DSE: variants seen among roughly 807,000 people sequenced by gnomAD.
DSE encodes dermatan-sulfate epimerase.
In DSE, 36 loss-of-function variants were observed where a neutral mutation model predicts 84.4. The ratio of observed to expected loss-of-function variants is 0.43; its 90% CI spans 0.33 to 0.56. The LOEUF is 0.56. Among genes scored for constraint, DSE ranks in the 20% least tolerant of loss-of-function variants. The probability of loss-of-function intolerance (pLI) is 0.06; values close to 1 mark genes in which losing one functional copy is unlikely to be tolerated. For missense variants in DSE, 862 were observed against 1,169.6 expected (o/e 0.74, Z 3.84); for synonymous variants, 410 against 430.1 (o/e 0.95, Z 0.58).
chr6:116,340,438 C>G (rs1777519868), intron 2 of DSE, among the ~76,000 whole-genome samples: 1 of 152,066 alleles, frequency 6.6e-6, no homozygotes, highest in Non-Finnish European at 1.5e-5. Flanking sequence ...GTTCCTTTTT[C>G]TAATTTCTAT....
At position 116,370,951 on chromosome 6, in the gene DSE, G is replaced by C. The variant is rs1160888694; in HGVS notation, c.-224G>C. 3.0e-6 allele frequency: 3 copies of C among 985,250 alleles called. No homozygotes were observed. The highest frequency in any genetic ancestry group is 3.6e-6 in the Non-Finnish European group (3 of 830,006). The allele number at this position is 985,250 out of a possible 1,614,324, so 61.0% of individuals were successfully genotyped here. ...GCCCCCGCCGGCCCGGCTCTCAGTAGCGTCGCCCGAGGCTGCAGCAGCGCA... is the reference window on the plus strand; with the variant it reads ...GCCCCCGCCGGCCCGGCTCTCAGTACCGTCGCCCGAGGCTGCAGCAGCGCA... On this transcript the variant is annotated 5_prime_UTR_variant, in exon 1 of 6. Coordinates refer to ENST00000644252, the MANE Select transcript of DSE (RefSeq NM_013352.4).
chr6:116,371,202 G>A, intron 1 of DSE, 81 bp downstream of exon 1: 3 of 985,376 alleles, frequency 3.0e-6, no homozygotes, highest in Non-Finnish European at 3.6e-6. Flanking sequence ...TAGCCTTCGG[G>A]GCTGTCCCGG....
intron 2 of DSE, among the ~76,000 whole-genome samples, chr6:116,307,417 A>C (rs896855892): frequency 2.0e-5 from 3 of 152,210 alleles, no homozygotes; most frequent in African/African-American, 7.2e-5. Flanking sequence ...CAGTGACCTG[A>C]AGAGTGTATC....
chr6:116,414,054 G>A (rs1269063257), intron 2 of DSE, among the ~76,000 whole-genome samples: 1 of 152,214 alleles, frequency 6.6e-6, no homozygotes, highest in East Asian at 1.9e-4. Flanking sequence ...TGTACGAGGT[G>A]GCAGCAATGG....
At position 116,433,367 on chromosome 6, in the gene DSE, C is replaced by T. The variant is rs1255326703; in HGVS notation, c.935C>T (p.Ala312Val). Residue 312 changes from alanine to valine, a missense_variant, in exon 5 of 6, where the codon GCG becomes GTG. Transcript: ENST00000644252. ...GGGTTTCAAAGGACTGTGGCTATTGCGGACTCAAATTACAACTGGTTTTAT... is the reference window on the plus strand; with the variant it reads ...GGGTTTCAAAGGACTGTGGCTATTGTGGACTCAAATTACAACTGGTTTTAT... ...LPGFQRTVAI[A>V]DSNYNWFYGP... is the part of the protein sequence containing the mutation. The T allele has an allele frequency of 7.7e-6, 12 of 1,551,232 alleles. No homozygotes were observed. The highest frequency in any genetic ancestry group is 2.4e-5 in the East Asian group (1 of 40,930).
At chr6:116,340,859 G>A (rs952757634) in intron 2 of DSE, among the ~76,000 whole-genome samples, 3 of 152,162 alleles carry the variant, frequency 2.0e-5, no homozygotes, top group East Asian at 1.9e-4. Flanking sequence ...TGGTGTATAT[G>A]TGCCATATTT....
intron 2 of DSE, among the ~76,000 whole-genome samples, chr6:116,356,613 A>C (rs142724532): frequency 6.6e-6 from 1 of 152,352 alleles, no homozygotes; most frequent in East Asian, 1.9e-4. Flanking sequence ...TTAAAGTTAT[A>C]GGAATCTTGT....
intron 2 of DSE, among the ~76,000 whole-genome samples, chr6:116,299,356 A>C (rs896871597): frequency 2.0e-5 from 3 of 151,852 alleles, no homozygotes; most frequent in Non-Finnish European, 4.4e-5. Context: ...TTCTCTGTTT[A>C]ATGGTTTTAA....
chr6:116,414,123 A>G (rs1562294914), intron 2 of DSE, among the ~76,000 whole-genome samples: 2 of 152,200 alleles, frequency 1.3e-5, no homozygotes, highest in African/African-American at 2.4e-5. Flanking sequence ...ACAAAATACC[A>G]TAGACTAGGT....
At chr6:116,289,368 C>T (rs1774138135) in intron 2 of DSE, among the ~76,000 whole-genome samples, 1 of 151,906 alleles carries the variant, frequency 6.6e-6, no homozygotes, top group South Asian at 2.1e-4. Flanking sequence ...ACAGTCAAGC[C>T]ATTTAATAAA....
At chr6:116,342,988 G>A (rs530328044) in intron 2 of DSE, among the ~76,000 whole-genome samples, 2 of 152,300 alleles carry the variant, frequency 1.3e-5, no homozygotes, top group Admixed American at 6.5e-5. Context: ...TGGCACTCCT[G>A]GAGATTATAT....
chr6:116,277,926 A>C (rs1773242892), intron 2 of DSE: 1 of 152,640 alleles, frequency 6.6e-6, no homozygotes, highest in Non-Finnish European at 1.5e-5. Context: ...AAAAAAAAAA[A>C]AAAAAAAAGG....
chr6:116,414,228 C>T (rs941044991), intron 2 of DSE, among the ~76,000 whole-genome samples: 22 of 152,186 alleles, frequency 1.4e-4, no homozygotes, highest in African/African-American at 5.1e-4. Context: ...TGGAGGCTCT[C>T]TGAAGGAGAG....
chr6:116,369,369 C>G (rs981333462), upstream of DSE, among the ~76,000 whole-genome samples: 1 of 152,222 alleles, frequency 6.6e-6, no homozygotes, highest in Non-Finnish European at 1.5e-5. Flanking sequence ...TACAGCTAGA[C>G]ACTTTCACAA....
At chr6:116,289,633 A>T (rs1415839793) in intron 2 of DSE, among the ~76,000 whole-genome samples, 2 of 152,202 alleles carry the variant, frequency 1.3e-5, no homozygotes, top group East Asian at 3.9e-4. Flanking sequence ...CATGATAAAA[A>T]AAATAAAAAT....
At chr6:116,305,353 CAT>C (rs961295601) in intron 2 of DSE, among the ~76,000 whole-genome samples, 7 of 152,032 alleles carry the variant, frequency 4.6e-5, no homozygotes, top group East Asian at 1.9e-4. Flanking sequence ...GATTTTAAAA[CAT>C]ATTGTTGCTT....
intron 1 of DSE, among the ~76,000 whole-genome samples, chr6:116,394,146 A>G (rs1269519545): frequency 1.3e-5 from 2 of 152,222 alleles, no homozygotes; most frequent in African/African-American, 4.8e-5. Flanking sequence ...CTATTTTGCT[A>G]TATTAAGTTA....
At position 116,442,345 on chromosome 6, in the gene DSE, G is replaced by A. The variant is rs977612422; in HGVS notation, c.*5000G>A. 1 of 152,344 alleles carries A rather than the reference G, an allele frequency of 6.6e-6. No homozygotes were observed. The highest frequency in any genetic ancestry group is 2.1e-4 in the South Asian group (1 of 4,822). The allele number at this position is 152,344 out of a possible 1,614,324, so 9.4% of individuals were successfully genotyped here. On this transcript the variant is annotated 3_prime_UTR_variant, in exon 6 of 6. Transcript: ENST00000644252. ...ACTGAGATGTGGCTGACTGCAGGAG[G>A]AATAAGTAGTAGGAAGCGGGTCCAG...
intron 2 of DSE, among the ~76,000 whole-genome samples, chr6:116,270,374 A>C (rs1275282862): frequency 6.6e-6 from 1 of 152,170 alleles, no homozygotes; most frequent in East Asian, 1.9e-4. Context: ...TGTATTGTCC[A>C]AGGTTAAGTT....
Sources: gnomAD v4.1 joint callset for allele counts (sites outside exome capture counted in the v4.1 genomes callset) on GRCh38, gnomAD v4.1.1 for gene constraint, MANE v1.5 for transcripts, NCBI Gene and HGNC (gene_info 2026-07-23, HGNC 2026-07-21) for gene names.